Variants in STAU1 observed in about 807,000 individuals in gnomAD.
STAU1 encodes the protein double-stranded RNA-binding protein Staufen homolog 1.
A neutral mutation model predicts 62.9 loss-of-function variants in STAU1; 13 were observed. That is an observed-to-expected ratio of 0.21 (90% CI 0.13 to 0.33). STAU1 has a LOEUF of 0.33. STAU1 is among the 10% of genes least tolerant of loss of function. The pLI, the probability that STAU1 is intolerant of heterozygous loss-of-function variation, is 1.00. For synonymous variants in STAU1, 269 were observed against 265.1 expected (o/e 1.01, Z -0.14); for missense variants, 571 against 712.1 (o/e 0.80, Z 2.25).
chr20:49,157,270 GTTTTGA>G (rs2093374930), intron 3 of STAU1, among the ~76,000 whole-genome samples: 1 of 152,186 alleles, frequency 6.6e-6, no homozygotes, highest in Non-Finnish European at 1.5e-5. Flanking sequence ...GACAATGTTT[GTTTTGA>G]TGCTGCAATG....
At chr20:49,198,027 A>G in the STAU1 span, among the ~76,000 whole-genome samples, 4 of 152,202 alleles carry the variant, frequency 2.6e-5, no homozygotes, top group Non-Finnish European at 5.9e-5. Context: ...GAATATATTA[A>G]GAACTCTTAC....
At position 49,151,745 on chromosome 20, in the gene STAU1, T is replaced by C. The variant is rs774554522; in HGVS notation, c.347A>G (p.Tyr116Cys). Residue 116 changes from tyrosine to cysteine, a missense_variant and splice_region_variant, in exon 5 of 14, where the codon TAC becomes TGC. Transcript: ENST00000371856. ...NMRGGAYPPR[Y>C]FYPFPVPPLL... ...AGGTGGAACTGGAAATGGGTAAAAG[T>C]ACCTAGAAATAAAAGGAGGTTAGGC... 4 of 1,606,794 alleles carry C rather than the reference T, an allele frequency of 2.5e-6. No homozygotes were observed. Among genetic ancestry groups the C allele is most frequent in the Non-Finnish European group, 3.4e-6 (4 of 1,177,950 alleles).
intron 3 of STAU1, among the ~76,000 whole-genome samples, chr20:49,165,192 G>A (rs1346668832): frequency 1.3e-5 from 2 of 151,788 alleles, no homozygotes; most frequent in African/African-American, 4.8e-5. Context: ...CTACAGGCAC[G>A]CACCACCATG....
chr20:49,213,159 C>A, the STAU1 span, among the ~76,000 whole-genome samples: 1 of 151,970 alleles, frequency 6.6e-6, no homozygotes, highest in Non-Finnish European at 1.5e-5. Flanking sequence ...GCGCACACTA[C>A]CATGTTTGGC....
chr20:49,193,453 A>C, the STAU1 span, among the ~76,000 whole-genome samples: 1 of 152,202 alleles, frequency 6.6e-6, no homozygotes. Flanking sequence ...CCAGGGGATC[A>C]CAAGGTCAAG....
intron 6 of STAU1, among the ~76,000 whole-genome samples, chr20:49,131,105 C>G (rs1600660649): frequency 1.3e-5 from 2 of 152,092 alleles, no homozygotes; most frequent in African/African-American, 4.8e-5. Context: ...ATAACCAGAC[C>G]TAATCATAAG....
chr20:49,204,812 C>T, the STAU1 span, among the ~76,000 whole-genome samples: 1 of 151,282 alleles, frequency 6.6e-6, no homozygotes, highest in African/African-American at 2.4e-5. Flanking sequence ...CCATGCCTGG[C>T]TAATTTTTTG....
At chr20:49,173,291 C>G (rs553037842) in intron 2 of STAU1, among the ~76,000 whole-genome samples, 21 of 151,930 alleles carry the variant, frequency 1.4e-4, no homozygotes, top group African/African-American at 4.3e-4. Context: ...AACCCTGTCT[C>G]TACTAAAAAT....
the STAU1 span, among the ~76,000 whole-genome samples, chr20:49,194,608 C>T: frequency 4.3e-5 from 5 of 116,454 alleles, no homozygotes; most frequent in South Asian, 2.9e-4. Context: ...GACAGAGTCT[C>T]GCTCTGTCGC....
the STAU1 span, among the ~76,000 whole-genome samples, chr20:49,214,478 A>C: frequency 4.6e-3 from 678 of 147,184 alleles, 4 homozygotes; most frequent in Non-Finnish European, 8.4e-3. Flanking sequence ...AGATTGTGCC[A>C]TTGCATTACA....
At chr20:49,144,337 A>G (rs1278074049) in intron 5 of STAU1, among the ~76,000 whole-genome samples, 3 of 151,954 alleles carry the variant, frequency 2.0e-5, no homozygotes, top group Admixed American at 1.3e-4. Context: ...TTGTCGAAAA[A>G]TGTTGCATGA....
chr20:49,184,186 C>T (rs2093759636), intron 1 of STAU1, among the ~76,000 whole-genome samples: 1 of 152,118 alleles, frequency 6.6e-6, no homozygotes, highest in South Asian at 2.1e-4. Context: ...CCACCTCAGC[C>T]TCCAAAAGTG....
Position 49,117,942 on chromosome 20 carries a change from C to T in STAU1, c.1344G>A (p.Lys448=). 1 of 1,614,200 alleles carries T rather than the reference C, an allele frequency of 6.2e-7. No homozygotes were observed. The highest frequency in any genetic ancestry group is 8.5e-7 in the Non-Finnish European group (1 of 1,180,036). Reference sequence around the variant, plus strand: ...GGGCTATCATGGCAGTTACCGTGGCCTTGGCAGGATTCGGAGCTGCCCTGG... The same window carrying T: ...GGGCTATCATGGCAGTTACCGTGGCTTTGGCAGGATTCGGAGCTGCCCTGG... ...DFTRAAPNPA[K]ATVTAMIARE... The change falls in exon 11 of 14, where the codon AAG becomes AAA. Residue 448 remains lysine (K), a synonymous_variant. Transcript: ENST00000371856. This position sits in a 1 kb window ranked among gnomAD's most constrained non-coding sequence, Gnocchi z 4.6.
intron 2 of STAU1, among the ~76,000 whole-genome samples, chr20:49,170,948 T>A (rs1646252663): frequency 1.3e-5 from 2 of 152,250 alleles, no homozygotes; most frequent in Non-Finnish European, 2.9e-5. Context: ...TGTGCCTCGC[T>A]GTTATAAAGC....
intron 3 of STAU1, among the ~76,000 whole-genome samples, chr20:49,159,935 GTT>G (rs1309344511): frequency 1.3e-5 from 2 of 152,178 alleles, no homozygotes; most frequent in African/African-American, 4.8e-5. Context: ...TTTTAAGCTA[GTT>G]TTGTGTGAGT....
the STAU1 span, among the ~76,000 whole-genome samples, chr20:49,216,020 A>G: frequency 6.7e-6 from 1 of 148,646 alleles, no homozygotes; most frequent in African/African-American, 2.5e-5. Flanking sequence ...AAAAAAAAAA[A>G]AAAAAAAAAA....
chr20:49,156,019 G>C (rs1246381622), intron 3 of STAU1, among the ~76,000 whole-genome samples: 1 of 152,146 alleles, frequency 6.6e-6, no homozygotes, highest in Non-Finnish European at 1.5e-5. Context: ...TTCTTGATTA[G>C]TATGCTCCCT....
the STAU1 span, among the ~76,000 whole-genome samples, chr20:49,200,228 A>T: frequency 2.6e-5 from 4 of 152,328 alleles, no homozygotes; most frequent in East Asian, 7.7e-4. Context: ...CCTGGAGACA[A>T]TCAAAATGTC....
intron 2 of STAU1, among the ~76,000 whole-genome samples, chr20:49,173,457 G>C (rs2093622739): frequency 6.6e-6 from 1 of 152,142 alleles, no homozygotes; most frequent in Non-Finnish European, 1.5e-5. Flanking sequence ...GTTTCAGAAA[G>C]AAAGAAAAGA....
Sources: gnomAD v4.1 joint callset for allele counts (sites outside exome capture counted in the v4.1 genomes callset) on GRCh38, gnomAD v4.1.1 for gene constraint, Gnocchi (gnomAD v3.1) non-coding constraint, MANE v1.5 for transcripts, NCBI Gene and HGNC (gene_info 2026-07-23, HGNC 2026-07-21) for gene names.